The following FUBP1 variants were observed in gnomAD, a reference collection of about 807,000 sequenced individuals.
The protein encoded by FUBP1 is far upstream element binding protein 1.
FUBP1 carries 16 observed loss-of-function variants against 94.9 expected under a neutral mutation model. The observed-to-expected ratio is 0.17, with a 90% confidence interval of 0.11 to 0.26. FUBP1 has a LOEUF of 0.26. FUBP1 is among the 10% of genes least tolerant of loss of function. FUBP1 has a pLI of 1.00. For missense variants in FUBP1, 583 were observed against 808.6 expected, an observed-to-expected ratio of 0.72 and a Z score of 3.38; for synonymous variants, 279 against 254.9, an observed-to-expected ratio of 1.09 and a Z score of -0.90.
At chr1:77,955,469 T>A (rs992670664) in intron 17 of FUBP1, 140 bp from the exon 18 acceptor site, 5 of 613,576 alleles carry the variant, frequency 8.1e-6, no homozygotes, top group South Asian at 8.0e-5. Context: ...GGTGGTGGCA[T>A]CCCTAACAGT....
At chr1:77,967,205 G>A in intron 4 of FUBP1, 104 bp from the exon 5 acceptor site, 1 of 709,152 alleles carries the variant, frequency 1.4e-6, no homozygotes, top group Non-Finnish European at 2.3e-6. Flanking sequence ...TCTCCCAATG[G>A]CTTAAACTAA....
In FUBP1 at chr1:77,947,417, T is replaced by C. The variant is rs951812770; in HGVS notation, c.*1349A>G. 1.7e-6 allele frequency: 1 copy of C among 583,834 alleles called. No individual in the cohort carries two copies. The highest frequency in any genetic ancestry group is 3.1e-6 in the Non-Finnish European group (1 of 326,386). The allele number at this position is 583,834 out of a possible 1,614,324, so 36.2% of individuals were successfully genotyped here. A position where few individuals can be genotyped will look rare whatever the true frequency, so the allele number is the denominator to read the frequency against. ...GTGGAACATTGACAAAAAGATACTG[T>C]TGCAGTTCATCAATTTGTCATTCTG... On this transcript the variant is annotated 3_prime_UTR_variant, in exon 20 of 20. Coordinates refer to ENST00000370768, the MANE Select transcript of FUBP1 (RefSeq NM_003902.5).
chr1:77,952,892 CTT>C (rs1653752716), intron 18 of FUBP1, among the ~76,000 whole-genome samples: 1 of 152,184 alleles, frequency 6.6e-6, no homozygotes, highest in Admixed American at 6.5e-5. Context: ...AATCCCAACA[CTT>C]TGCGAGGCTG....
At chr1:77,963,283 T>C (rs958626560) in intron 13 of FUBP1, among the ~76,000 whole-genome samples, 1 of 152,112 alleles carries the variant, frequency 6.6e-6, no homozygotes, top group Admixed American at 6.5e-5. Context: ...AAAACCAAAA[T>C]GCACAAACAA....
chr1:77,960,588 A>C (rs1655272338), intron 14 of FUBP1, 93 bp from the exon 15 acceptor site: 1 of 1,016,896 alleles, frequency 9.8e-7, no homozygotes, highest in Non-Finnish European at 1.4e-6. Flanking sequence ...CTACCCTCTT[A>C]TAGTCACAAA....
chr1:77,969,047 C>T, intron 2 of FUBP1: 1 of 1,285,736 alleles, frequency 7.8e-7, no homozygotes, highest in Non-Finnish European at 1.0e-6. Context: ...GCATTCCCTC[C>T]CAGTGTGTTG....
rs890481319 is a variant in FUBP1 at position 77,944,948 on chromosome 1, A to G, written c.*3818T>C. The stretch of plus-strand genomic sequence containing the variant: ...CTAAGCTGTCTTAAAAAAAACTAAA[A>G]ACATTGTCAAATTTTTGTTTAAGTG... On this transcript the variant is annotated 3_prime_UTR_variant, in exon 20 of 20. Coordinates refer to ENST00000370768, the MANE Select transcript of FUBP1 (RefSeq NM_003902.5). 6.6e-6 allele frequency among the ~76,000 whole-genome samples: 1 copy of G among 151,974 alleles called. No homozygotes were observed. The highest frequency in any genetic ancestry group is 1.9e-4 in the East Asian group (1 of 5,198).
chr1:77,964,420 ATTTTAAAAAAGCGCCATTTC>A, intron 10 of FUBP1, 64 bp from the exon 11 acceptor site: 1 of 1,046,376 alleles, frequency 9.6e-7, no homozygotes, highest in Non-Finnish European at 1.4e-6. Context: ...AAAAAAAAGT[ATTTTAAAAAAGCGCCATTTC>A]CTGAAAATCT....
At chr1:77,956,488 T>A (rs1654481707) in intron 17 of FUBP1, 84 bp downstream of exon 17, 1 of 699,436 alleles carries the variant, frequency 1.4e-6, no homozygotes, top group African/African-American at 1.8e-5. Flanking sequence ...ATGTCAGAAA[T>A]TTTAGGTATT....
intron 1 of FUBP1, among the ~76,000 whole-genome samples, chr1:77,972,241 T>C (rs887836037): frequency 2.0e-5 from 3 of 152,112 alleles, no homozygotes; most frequent in African/African-American, 7.2e-5. Flanking sequence ...GCACTAATAG[T>C]AGAAGGAAAG....
chr1:77,971,497 A>G (rs1379709746), intron 1 of FUBP1, among the ~76,000 whole-genome samples: 4 of 152,176 alleles, frequency 2.6e-5, no homozygotes, highest in Non-Finnish European at 5.9e-5. Flanking sequence ...GTTCCCATAT[A>G]CTAACTTCAT....
chr1:77,949,443 A>C (rs951889252), intron 18 of FUBP1, 143 bp from the exon 19 acceptor site: 7 of 614,298 alleles, frequency 1.1e-5, no homozygotes, highest in Non-Finnish European at 1.9e-5. Flanking sequence ...ACCAAAAAAA[A>C]AAACCCCTAA....
chr1:77,973,492 C>T (rs190775937), intron 1 of FUBP1, among the ~76,000 whole-genome samples: 7 of 152,272 alleles, frequency 4.6e-5, no homozygotes, highest in East Asian at 1.9e-4. Flanking sequence ...GTGATCCACC[C>T]GCCTCAGCCT....
At position 77,948,193 on chromosome 1, in the gene FUBP1, T is replaced by A; in HGVS notation, c.*573A>T. On this transcript the variant is annotated 3_prime_UTR_variant, in exon 20 of 20. Transcript: ENST00000370768. ...AACAGAAGGAAAAAAAATGAAGATA[T>A]CAGGATTACTTGTGCTGAAAGAGCC... is the stretch of plus-strand genomic sequence containing the variant. 9.5e-7 allele frequency: 1 copy of A among 1,047,376 alleles called. No individual in the cohort carries two copies. Among genetic ancestry groups the A allele is most frequent in the Non-Finnish European group, 1.2e-6 (1 of 867,500 alleles). The allele number at this position is 1,047,376 out of a possible 1,614,324, so 64.9% of individuals were successfully genotyped here. A position where few individuals can be genotyped will look rare whatever the true frequency, so the allele number is the denominator to read the frequency against.
intron 14 of FUBP1, among the ~76,000 whole-genome samples, chr1:77,961,340 A>G (rs1319855768): frequency 2.0e-5 from 3 of 152,198 alleles, no homozygotes; most frequent in Non-Finnish European, 4.4e-5. Context: ...AAACTTCATG[A>G]CCTTTAAAGT....
intron 18 of FUBP1, among the ~76,000 whole-genome samples, chr1:77,955,028 G>A (rs1021535651): frequency 2.0e-5 from 3 of 152,064 alleles, no homozygotes; most frequent in African/African-American, 7.2e-5. Flanking sequence ...TGTTAATATT[G>A]TATGTACCAG....
Position 77,979,049 on chromosome 1 carries a change from T to TA in FUBP1, c.-46_-45insT. ...CTGCCGCCTGTTCAGAGACTTCCTCTCAGCTAACAGCTAAGAAAGAAAGAA... is the reference window on the plus strand; with the variant it reads ...CTGCCGCCTGTTCAGAGACTTCCTCTACAGCTAACAGCTAAGAAAGAAAGAA... On this transcript the variant is annotated 5_prime_UTR_variant, in exon 1 of 20. Coordinates refer to ENST00000370768, the MANE Select transcript of FUBP1 (RefSeq NM_003902.5). 6.4e-7 allele frequency: 1 copy of TA among 1,552,758 alleles called. No homozygotes were observed. The highest frequency in any genetic ancestry group is 1.2e-5 in the South Asian group (1 of 86,806).
chr1:77,965,307 A>G (rs1447214469), intron 7 of FUBP1, 76 bp from the exon 8 acceptor site: 1 of 964,112 alleles, frequency 1.0e-6, no homozygotes, highest in Non-Finnish European at 1.6e-6. Flanking sequence ...ATAAAACAAT[A>G]TAACCAAGTA....
At chr1:77,977,080 G>A (rs12046966) in intron 1 of FUBP1, among the ~76,000 whole-genome samples, 11,490 of 152,268 alleles carry the variant, frequency 0.075, 561 homozygotes, top group East Asian at 0.26. Flanking sequence ...AAAGCAAGTG[G>A]ATGAATTAAA....
Sources: allele counts gnomAD v4.1 joint callset (sites outside exome capture counted in the v4.1 genomes callset), GRCh38; gene constraint gnomAD v4.1.1; transcripts MANE v1.5; gene names NCBI Gene and HGNC (gene_info 2026-07-23, HGNC 2026-07-21).